SNED1: variants seen among roughly 807,000 people sequenced by gnomAD.
SNED1 encodes sushi, nidogen and EGF-like domain-containing protein 1.
SNED1 carries 81 observed loss-of-function variants against 166.7 expected under a neutral mutation model. That is an observed-to-expected ratio of 0.49 (90% confidence interval 0.41 to 0.58). The LOEUF is 0.58. Among genes scored for constraint, SNED1 ranks in the 20% least tolerant of loss-of-function variants. The pLI is 0.00. For missense variants in SNED1, 1,604 were observed against 2,000.2 expected (o/e 0.80, Z 3.78); for synonymous variants, 762 against 822.0 (o/e 0.93, Z 1.25).
At chr2:241,083,399 AG>A (rs1402140020) in intron 29 of SNED1, among the ~76,000 whole-genome samples, 11 of 144,672 alleles carry the variant, frequency 7.6e-5, no homozygotes, top group Non-Finnish European at 1.2e-4. Context: ...AATGGGGAGG[AG>A]CTACTGAAGG....
intron 4 of SNED1, 71 bp from the exon 5 acceptor site, chr2:241,036,719 C>A: frequency 6.3e-7 from 1 of 1,580,400 alleles, no homozygotes; most frequent in South Asian, 1.1e-5. Context: ...AAGGGAGATG[C>A]GGATGGGAGT....
At position 240,998,938 on chromosome 2, in the gene SNED1, T is replaced by G; in HGVS notation, c.101T>G (p.Phe34Cys). 7.8e-7 allele frequency: 1 copy of G among 1,285,076 alleles called. No homozygotes were observed. The highest frequency in any genetic ancestry group is 2.2e-5 in the South Asian group (1 of 45,918). The allele number at this position is 1,285,076 out of a possible 1,614,324, so 79.6% of individuals were successfully genotyped here. A position where few individuals can be genotyped will look rare whatever the true frequency, so the allele number is the denominator to read the frequency against. The change falls in exon 1 of 32, where the codon TTC becomes TGC. Residue 34 changes from phenylalanine to cysteine, a missense_variant. Transcript: ENST00000310397. ...GAVALADFYP[F>C]GAERGDAVTP... ...GTGGCCCTTGCCGACTTCTACCCGT[T>G]CGGCGCCGAGCGCGGCGACGCCGTC...
At chr2:241,088,826 TC>T in intron 31 of SNED1, 1 of 224,482 alleles carries the variant, frequency 4.5e-6, no homozygotes, top group Non-Finnish European at 8.7e-6. Flanking sequence ...TTCCGGGGGC[TC>T]CAGGAGAGGG....
chr2:241,033,670 A>C, intron 2 of SNED1, 65 bp from the exon 3 acceptor site: 2 of 1,521,300 alleles, frequency 1.3e-6, no homozygotes, highest in Non-Finnish European at 1.8e-6. Flanking sequence ...AGGATGGTGG[A>C]CAGGGCAGGG....
At position 241,067,806 on chromosome 2, in the gene SNED1, C is replaced by T. The variant is rs772010874; in HGVS notation, c.3053C>T (p.Ala1018Val). The T allele has an allele frequency of 6.2e-7, 1 of 1,613,110 alleles. No individual in the cohort carries two copies. Among genetic ancestry groups the T allele is most frequent in the Non-Finnish European group, 8.5e-7 (1 of 1,179,520 alleles). The change falls in exon 22 of 32, where the codon GCT becomes GTT. Residue 1018 changes from alanine (A) to valine (V), a missense_variant. This residue lies in a region of SNED1 where 1,237 missense variants were observed against 1,620.8 expected (regional missense o/e 0.76). Transcript: ENST00000310397. Reference protein sequence around the residue: ...VEGFEVTNVTASTISVQWALH... With the variant: ...VEGFEVTNVTVSTISVQWALH... Reference sequence around the variant, plus strand: ...GGCTTCGAGGTCACCAATGTGACGGCTAGCACCATCTCAGTGCAGTGGGCC... The same window carrying T: ...GGCTTCGAGGTCACCAATGTGACGGTTAGCACCATCTCAGTGCAGTGGGCC...
intron 24 of SNED1, among the ~76,000 whole-genome samples, chr2:241,070,428 C>T (rs1341499334): frequency 6.6e-6 from 1 of 152,268 alleles, no homozygotes; most frequent in Non-Finnish European, 1.5e-5. Flanking sequence ...ATAATAAGCA[C>T]ATTGAGCCTC....
At chr2:241,067,554 G>A (rs985748905) in intron 21 of SNED1, among the ~76,000 whole-genome samples, 2 of 152,170 alleles carry the variant, frequency 1.3e-5, no homozygotes, top group Non-Finnish European at 2.9e-5. Context: ...CAGCCGTCAT[G>A]CTCACAGCGG....
At position 241,064,946 on chromosome 2, in the gene SNED1, A is replaced by T; in HGVS notation, c.2702A>T (p.Asp901Val). 6.3e-7 allele frequency: 1 copy of T among 1,584,072 alleles called. No individual in the cohort carries two copies. Among genetic ancestry groups the T allele is most frequent in the East Asian group, 2.3e-5 (1 of 43,526 alleles). Residue 901 changes from aspartate to valine, a missense_variant, in exon 20 of 32, where the codon GAC (aspartate) becomes GTC (valine). This residue lies in a region of SNED1 where 1,237 missense variants were observed against 1,620.8 expected (regional missense o/e 0.76). Coordinates refer to ENST00000310397, the MANE Select transcript of SNED1 (RefSeq NM_001080437.3). This position sits in a 1 kb window ranked among gnomAD's most constrained non-coding sequence, Gnocchi z 7.0. The stretch of plus-strand genomic sequence containing the variant: ...TGCAAAGTGGGCTACACGGGCGAGG[A>T]CTGCGCCAAAGGTGGGTGGCGAGGG... ...CTCKVGYTGE[D>V]CAKELFPPTA...
In SNED1 at chr2:241,070,221, C is replaced by T. The variant is rs758902413; in HGVS notation, c.3589+20C>T. The T allele has an allele frequency of 1.4e-4, 220 of 1,586,726 alleles. No individual in the cohort carries two copies. The highest frequency in any genetic ancestry group is 7.5e-5 in the Non-Finnish European group (88 of 1,170,172). On this transcript the variant is annotated intron_variant, in intron 24 of 31. Coordinates refer to ENST00000310397, the MANE Select transcript of SNED1 (RefSeq NM_001080437.3). ...TCACCTGTGAGTGCCGTGGGCCCTG[C>T]GCGTGGGCGGGGCCAGTGTTTGCCA... is the stretch of plus-strand genomic sequence containing the variant.
Position 241,062,781 on chromosome 2 carries a change from C to T in SNED1, c.2258-10C>T, listed in dbSNP as rs1356708974. On this transcript the variant is annotated splice_polypyrimidine_tract_variant and intron_variant, in intron 16 of 31. Transcript: ENST00000310397. Reference sequence around the variant, plus strand: ...CCACATTGCTTTATTCTTGGGCTCTCTCCTCTCAGAAATCGATGAGTGCCG... The same window carrying T: ...CCACATTGCTTTATTCTTGGGCTCTTTCCTCTCAGAAATCGATGAGTGCCG... The T allele has an allele frequency of 6.3e-7, 1 of 1,594,710 alleles. No homozygotes were observed. Among genetic ancestry groups the T allele is most frequent in the Admixed American group, 1.7e-5 (1 of 58,228 alleles).
chr2:241,082,335 A>G lies in SNED1; in HGVS notation c.4092A>G (p.Pro1364=). ...TGTTCTCCGAGACAAAGGCCTTTCCAGTCTGGGAGGGAGGCGTCTGTCACC... is the reference window on the plus strand; with the variant it reads ...TGTTCTCCGAGACAAAGGCCTTTCCGGTCTGGGAGGGAGGCGTCTGTCACC... The part of the protein sequence containing the change: ...TRLFSETKAF[P]VWEGGVCHHV... Residue 1364 remains proline (P), a synonymous_variant, in exon 29 of 32, where the codon CCA becomes CCG. Coordinates refer to ENST00000310397, the MANE Select transcript of SNED1 (RefSeq NM_001080437.3). 6.2e-7 allele frequency: 1 copy of G among 1,613,108 alleles called. No homozygotes were observed. The highest frequency in any genetic ancestry group is 8.5e-7 in the Non-Finnish European group (1 of 1,179,274).
rs1355615551 is a variant in SNED1 at position 241,068,224 on chromosome 2, CTT to C, written c.3194+279_3194+280del. The stretch of plus-strand genomic sequence containing the variant: ...AAAGCTCAGAAAATCCGGGGGCACA[CTT>C]TCCACACAGATCATGAGAGTGACTT... On this transcript the variant is annotated intron_variant, in intron 22 of 31. Transcript: ENST00000310397. This position sits in a 1 kb window ranked among gnomAD's most constrained non-coding sequence, Gnocchi z 5.3. 6.6e-6 allele frequency among the ~76,000 whole-genome samples: 1 copy of C among 152,184 alleles called. No homozygotes were observed. The highest frequency in any genetic ancestry group is 1.5e-5 in the Non-Finnish European group (1 of 68,026).
rs1200998718 is a variant in SNED1, at chr2:240,999,420, G to A, written c.213+370G>A. Among the ~76,000 whole-genome samples, 1 of 152,180 alleles carries A rather than the reference G, an allele frequency of 6.6e-6. No homozygotes were observed. Among genetic ancestry groups the A allele is most frequent in the Non-Finnish European group, 1.5e-5 (1 of 68,018 alleles). ...TGTGGCCGTGGGCACGGGCTTCCCG[G>A]GCCTCAGTTTCCCAAGTGGGGCGCC... is the stretch of plus-strand genomic sequence containing the variant. On this transcript the variant is annotated intron_variant, in intron 1 of 31. Coordinates refer to ENST00000310397, the MANE Select transcript of SNED1 (RefSeq NM_001080437.3). The surrounding 1 kb of genome is among the most constrained non-coding windows in gnomAD (Gnocchi z 5.8).
intron 1 of SNED1, among the ~76,000 whole-genome samples, chr2:241,002,101 T>C (rs1414265360): frequency 6.6e-6 from 1 of 152,130 alleles, no homozygotes; most frequent in African/African-American, 2.4e-5. Flanking sequence ...ACATGCAGCC[T>C]GTGACCTTTG....
At chr2:241,052,179 G>A in intron 14 of SNED1, 22 bp downstream of exon 14, 1 of 1,588,674 alleles carries the variant, frequency 6.3e-7, no homozygotes. Flanking sequence ...GGGAGGCCAG[G>A]CCAGGGCGGC....
chr2:241,047,647 C>A lies in SNED1; in HGVS notation c.1274-668C>A, dbSNP rs887206213. Among the ~76,000 whole-genome samples the A allele has an allele frequency of 1.1e-4, 17 of 152,364 alleles. No homozygotes were observed. In the South Asian group the frequency reaches 3.5e-3, roughly 32 times the overall value. On this transcript the variant is annotated intron_variant, in intron 8 of 31. Coordinates refer to ENST00000310397, the MANE Select transcript of SNED1 (RefSeq NM_001080437.3). ...CAGCAGAAAGATATCTGGAAAATCC[C>A]AAATACTTCACTGATAGGGATGCCT...
chr2:241,072,448 C>T (rs896844652), intron 26 of SNED1: 7 of 355,926 alleles, frequency 2.0e-5, no homozygotes, highest in Admixed American at 7.6e-5. Flanking sequence ...GAGGCAGGCG[C>T]GACCCTGCCC....
chr2:241,072,136 G>A (rs771847410), intron 26 of SNED1: 21 of 691,318 alleles, frequency 3.0e-5, no homozygotes, highest in African/African-American at 7.0e-5. Context: ...GGTAGGGCAC[G>A]CAAGAGAAGA....
chr2:241,030,110 G>A (rs1484721055), intron 1 of SNED1, among the ~76,000 whole-genome samples, 174 bp from the exon 2 acceptor site: 1 of 152,256 alleles, frequency 6.6e-6, no homozygotes, highest in Non-Finnish European at 1.5e-5. Context: ...GGTGGAGCAG[G>A]CCATGCTGGG....
Sources: allele counts gnomAD v4.1 joint callset (sites outside exome capture counted in the v4.1 genomes callset), GRCh38; gene constraint gnomAD v4.1.1; regional missense constraint gnomAD v4.1.1; non-coding constraint Gnocchi (gnomAD v3.1); transcripts MANE v1.5; gene names NCBI Gene and HGNC (gene_info 2026-07-23, HGNC 2026-07-21).